The following EIF2D variants were observed in gnomAD, a reference collection of about 807,000 sequenced individuals.
EIF2D encodes the protein eukaryotic translation initiation factor 2D.
EIF2D carries 56 observed loss-of-function variants against 77.4 expected under a neutral mutation model. The ratio of observed to expected loss-of-function variants is 0.72; its 90% CI spans 0.58 to 0.90. The LOEUF (loss-of-function observed/expected upper bound fraction) is 0.90, where lower values mean the gene tolerates loss of function less well. EIF2D is among the 40% of genes least tolerant of loss of function. EIF2D has a pLI of 0.00. For missense variants in EIF2D, 574 were observed against 706.5 expected (o/e 0.81, Z 2.13); for synonymous variants, 230 against 271.0 (o/e 0.85, Z 1.49).
chr1:206,581,580 CA>C, intron 2 of EIF2D, among the ~76,000 whole-genome samples: 1 of 149,642 alleles, frequency 6.7e-6, no homozygotes, highest in Non-Finnish European at 1.5e-5. Flanking sequence ...GCCTGGGTGA[CA>C]GAGGGAGACG....
chr1:206,595,012 C>T lies in EIF2D; in HGVS notation c.1509+706G>A, dbSNP rs1246694376. 5.3e-5 allele frequency: 8 copies of T among 152,240 alleles called. No homozygotes were observed. The East Asian group carries it at 1.2e-3, about 22-fold the overall frequency. 9.4% of individuals were successfully genotyped at this position (152,240 alleles called of 1,614,324 possible). A position where few individuals can be genotyped will look rare whatever the true frequency, so the allele number is the denominator to read the frequency against. ...CGCCTTCATTTGATCCTCACAATGC[C>T]TTACCAGGTAGGTATTATCCCCATT... On this transcript the variant is annotated intron_variant, in intron 13 of 14. Coordinates refer to ENST00000271764, the MANE Select transcript of EIF2D (RefSeq NM_006893.3).
In EIF2D at chr1:206,606,000, G is replaced by A. The variant is rs77525411; in HGVS notation, c.423-493C>T. 6.9e-3 allele frequency among the ~76,000 whole-genome samples: 1,048 copies of A among 152,304 alleles called. 6 individuals are homozygous for A. Among genetic ancestry groups the A allele is most frequent in the Non-Finnish European group, 0.01 (710 of 68,016 alleles). On this transcript the variant is annotated intron_variant, in intron 4 of 14. Coordinates refer to ENST00000271764, the MANE Select transcript of EIF2D (RefSeq NM_006893.3). ...GGCCAACTAGAGAAGTTCCTTCTAAGTTGACTTTATAAGAGGGGTTGCTCA... is the reference window on the plus strand; with the variant it reads ...GGCCAACTAGAGAAGTTCCTTCTAAATTGACTTTATAAGAGGGGTTGCTCA...
rs782292093 is a variant in EIF2D, at chr1:206,603,002, T to C, written c.733A>G (p.Thr245Ala). The C allele has an allele frequency of 3.1e-6, 5 of 1,614,004 alleles. No homozygotes were observed. The highest frequency in any genetic ancestry group is 3.3e-5 in the Admixed American group (2 of 60,004). Residue 245 changes from threonine (T) to alanine (A), a missense_variant, in exon 6 of 15, where the codon ACC (threonine) becomes GCC (alanine). By Grantham distance (58) the Thr-to-Ala change is moderately conservative. Coordinates refer to ENST00000271764, the MANE Select transcript of EIF2D (RefSeq NM_006893.3). ...TCTTGGTTCAGGCCCCTGGTGCTGGTGTCTTCTGGGGCTTCTGAGAGAGAC... is the reference window on the plus strand; with the variant it reads ...TCTTGGTTCAGGCCCCTGGTGCTGGCGTCTTCTGGGGCTTCTGAGAGAGAC... ...DKSLSEAPED[T>A]STRGLNQDST...
chr1:206,600,465 G>T, intron 7 of EIF2D, 157 bp from the exon 8 acceptor site: 1 of 644,216 alleles, frequency 1.6e-6, no homozygotes, highest in Non-Finnish European at 2.7e-6. Flanking sequence ...CAGCAGAGAG[G>T]GATGCAGACT....
chr1:206,606,716 C>A (rs968827441), intron 4 of EIF2D, among the ~76,000 whole-genome samples: 3 of 152,104 alleles, frequency 2.0e-5, no homozygotes, highest in Admixed American at 2.0e-4. Flanking sequence ...CCATGCCTAC[C>A]ATCGCTCTTT....
At chr1:206,587,164 C>A, downstream of EIF2D, 1 of 654,188 alleles carries the variant, frequency 1.5e-6, no homozygotes, top group African/African-American at 1.8e-5. Flanking sequence ...TGTGCCCGCC[C>A]CCAGGCTGTG....
At chr1:206,590,655 T>A (rs1669312730), downstream of EIF2D, among the ~76,000 whole-genome samples, 1 of 152,190 alleles carries the variant, frequency 6.6e-6, no homozygotes, top group African/African-American at 2.4e-5. Flanking sequence ...CTGGGCCTGA[T>A]AACAGACGGT....
At chr1:206,594,083 T>G (rs531641452) in intron 13 of EIF2D, 3 of 233,040 alleles carry the variant, frequency 1.3e-5, no homozygotes, top group African/African-American at 2.3e-5. Flanking sequence ...AAAACATAAA[T>G]GAAAGCAGAA....
At chr1:206,581,622 CAG>C (rs3054488) in intron 2 of EIF2D, among the ~76,000 whole-genome samples, 34,361 of 146,920 alleles carry the variant, frequency 0.23, 4,377 homozygotes, top group Non-Finnish European at 0.29. Context: ...GAGAGAGAGA[CAG>C]AGAGAGAGGG....
chr1:206,609,384 C>T lies in EIF2D; in HGVS notation c.323G>A (p.Gly108Glu). 1.9e-6 allele frequency: 3 copies of T among 1,614,176 alleles called. No homozygotes were observed. Among genetic ancestry groups the T allele is most frequent in the Non-Finnish European group, 2.5e-6 (3 of 1,180,006 alleles). The change falls in exon 3 of 15, where the codon GGG (glycine) becomes GAG (glutamate). Residue 108 changes from glycine to glutamate, a missense_variant. Coordinates refer to ENST00000271764, the MANE Select transcript of EIF2D (RefSeq NM_006893.3). The stretch of plus-strand genomic sequence containing the variant: ...TAGGAGAATCCTCTTACCTGCTCCC[C>T]CTACCAGTTTCTCGAGCACCAGAGG... ...TWPLVLEKLVGGADLMLPGLV... is the reference protein window; with the variant it reads ...TWPLVLEKLVEGADLMLPGLV...
In EIF2D at chr1:206,600,268, T is replaced by G; in HGVS notation, c.943A>C (p.Lys315Gln). The change falls in exon 8 of 15, where the codon AAA becomes CAA. Residue 315 changes from lysine to glutamine, a missense_variant. Transcript: ENST00000271764. Reference protein sequence around the residue: ...RQLDIKKSSYKKLSKFLQQMQ... With the variant: ...RQLDIKKSSYQKLSKFLQQMQ... ...CAAAGAAGATCCTTGCTTACCTTTTTGTAGCTTGACTTCTTTATGTCCAGT... is the reference window on the plus strand; with the variant it reads ...CAAAGAAGATCCTTGCTTACCTTTTGGTAGCTTGACTTCTTTATGTCCAGT... 6.2e-7 allele frequency: 1 copy of G among 1,614,108 alleles called. No individual in the cohort carries two copies. The highest frequency in any genetic ancestry group is 8.5e-7 in the Non-Finnish European group (1 of 1,179,960).
intron 4 of EIF2D, among the ~76,000 whole-genome samples, chr1:206,576,659 G>A (rs1159611320): frequency 1.3e-5 from 2 of 152,238 alleles, no homozygotes; most frequent in African/African-American, 4.8e-5. Context: ...AGCAGAGGAT[G>A]GAGAGATGGC....
chr1:206,572,288 C>G (rs1668477964), intron 5 of EIF2D, among the ~76,000 whole-genome samples: 1 of 152,168 alleles, frequency 6.6e-6, no homozygotes, highest in African/African-American at 2.4e-5. Context: ...AGTGAACAAG[C>G]CAAAGACCCT....
At chr1:206,610,777 C>T (rs1056551614) in intron 2 of EIF2D, among the ~76,000 whole-genome samples, 6 of 152,188 alleles carry the variant, frequency 3.9e-5, no homozygotes, top group East Asian at 3.9e-4. Flanking sequence ...GCTGAGATTG[C>T]GCCACTGCAC....
intron 4 of EIF2D, among the ~76,000 whole-genome samples, chr1:206,572,890 CT>C: frequency 6.6e-6 from 1 of 152,218 alleles, no homozygotes; most frequent in South Asian, 2.1e-4. Context: ...ATAATGTGGC[CT>C]TGGCTGAAGG....
In EIF2D at chr1:206,599,335, A is replaced by G. The variant is rs895789687; in HGVS notation, c.1202+128T>C. The G allele has an allele frequency of 9.2e-6, 12 of 1,303,654 alleles. No homozygotes were observed. The highest frequency in any genetic ancestry group is 1.2e-5 in the Non-Finnish European group (11 of 942,762). The allele number at this position is 1,303,654 out of a possible 1,614,324, so 80.8% of individuals were successfully genotyped here. On this transcript the variant is annotated intron_variant, in intron 10 of 14. Transcript: ENST00000271764. The surrounding 1 kb of genome is among the most constrained non-coding windows in gnomAD (Gnocchi z 4.1). ...CCCAGGGAAGAAGGCTGGAAGCTGG[A>G]TTTTGGAGAAGGGGAGAACAGGGGC...
intron 4 of EIF2D, among the ~76,000 whole-genome samples, chr1:206,606,354 A>G (rs1553412717): frequency 6.6e-6 from 1 of 152,206 alleles, no homozygotes; most frequent in African/African-American, 2.4e-5. Context: ...AGTTCTTAAA[A>G]GAAGGTTTTT....
rs1458520608 is a variant in EIF2D, at chr1:206,592,507, G to A, written c.1685-662C>T. Among the ~76,000 whole-genome samples the A allele has an allele frequency of 6.6e-6, 1 of 152,214 alleles. No homozygotes were observed. Among genetic ancestry groups the A allele is most frequent in the Non-Finnish European group, 1.5e-5 (1 of 68,030 alleles). On this transcript the variant is annotated intron_variant, in intron 14 of 14. Coordinates refer to ENST00000271764, the MANE Select transcript of EIF2D (RefSeq NM_006893.3). This position sits in a 1 kb window ranked among gnomAD's most constrained non-coding sequence, Gnocchi z 4.7. ...GGGGATAGCCCAGGCGGAAGCACAT[G>A]TGGGTGAACATGCAAGGAGAATCTG... is the stretch of plus-strand genomic sequence containing the variant.
chr1:206,583,520 C>T (rs528119852), intron 2 of EIF2D: 6 of 641,562 alleles, frequency 9.4e-6, no homozygotes, highest in Non-Finnish European at 1.7e-5. Flanking sequence ...CCTCCGGGGT[C>T]TGGAAGGCTG....
Sources: allele counts gnomAD v4.1 joint callset (sites outside exome capture counted in the v4.1 genomes callset), GRCh38; gene constraint gnomAD v4.1.1; non-coding constraint Gnocchi (gnomAD v3.1); transcripts MANE v1.5; gene names NCBI Gene and HGNC (gene_info 2026-07-23, HGNC 2026-07-21).